Variants in CYP7B1 observed in about 807,000 individuals in gnomAD.
CYP7B1 encodes the protein cytochrome P450 7B1.
CYP7B1 carries 29 observed loss-of-function variants against 42.7 expected under a neutral mutation model. The observed-to-expected ratio is 0.68, with a 90% CI of 0.51 to 0.93. The LOEUF (loss-of-function observed/expected upper bound fraction) is 0.93, where lower values mean the gene tolerates loss of function less well. Among genes scored for constraint, CYP7B1 ranks in the 40% least tolerant of loss-of-function variants. The pLI is 0.00. For missense variants in CYP7B1, 655 were observed against 600.5 expected (o/e 1.09, Z -0.95); for synonymous variants, 235 against 218.2 (o/e 1.08, Z -0.68).
intron 1 of CYP7B1, among the ~76,000 whole-genome samples, chr8:64,710,107 G>C (rs1451219628): frequency 6.6e-6 from 1 of 152,092 alleles, no homozygotes; most frequent in Non-Finnish European, 1.5e-5. Flanking sequence ...GATTCCATTA[G>C]TCTCAGTACC....
chr8:64,751,217 T>A (rs1231437110), intron 1 of CYP7B1, among the ~76,000 whole-genome samples: 2 of 152,222 alleles, frequency 1.3e-5, no homozygotes, highest in African/African-American at 4.8e-5. Flanking sequence ...TGACCTGTCA[T>A]CATATCTCTC....
At chr8:64,600,470 A>G (rs928423610) in intron 5 of CYP7B1, among the ~76,000 whole-genome samples, 2 of 152,164 alleles carry the variant, frequency 1.3e-5, no homozygotes, top group Non-Finnish European at 2.9e-5. Flanking sequence ...TAAATTAGAC[A>G]AATATAAATT....
chr8:64,778,755 C>G (rs534896602), intron 1 of CYP7B1, among the ~76,000 whole-genome samples: 14 of 152,192 alleles, frequency 9.2e-5, no homozygotes, highest in Admixed American at 1.3e-4. Context: ...GTGACTCTTG[C>G]CTGGCTACTA....
chr8:64,786,882 A>G (rs1804537406), intron 1 of CYP7B1, among the ~76,000 whole-genome samples: 1 of 152,234 alleles, frequency 6.6e-6, no homozygotes, highest in Non-Finnish European at 1.5e-5. Context: ...CCCAAATCTC[A>G]ATTCTTGACT....
rs762835395 is a variant in CYP7B1 at position 64,604,667 on chromosome 8, T to C, written c.1233+15A>G. 13 of 1,613,778 alleles carry C rather than the reference T, an allele frequency of 8.1e-6. No individual in the cohort carries two copies. The highest frequency in any genetic ancestry group is 1.0e-5 in the Non-Finnish European group (12 of 1,179,960). On this transcript the variant is annotated intron_variant, in intron 5 of 5. Transcript: ENST00000310193. Reference sequence around the variant, plus strand: ...GATCTAAGAAGTAGCAATCATAGGCTTGATGTTTACTTACCTCTGGAGCTT... The same window carrying C: ...GATCTAAGAAGTAGCAATCATAGGCCTGATGTTTACTTACCTCTGGAGCTT...
At chr8:64,649,587 T>C (rs1806008635) in intron 1 of CYP7B1, among the ~76,000 whole-genome samples, 1 of 152,210 alleles carries the variant, frequency 6.6e-6, no homozygotes, top group Non-Finnish European at 1.5e-5. Context: ...GAAGTGGGAT[T>C]GTTGAATCAC....
At chr8:64,644,505 C>G (rs976472364) in intron 1 of CYP7B1, among the ~76,000 whole-genome samples, 1 of 152,114 alleles carries the variant, frequency 6.6e-6, no homozygotes, top group Non-Finnish European at 1.5e-5. Context: ...CAAAATTACT[C>G]CTTCATCCAT....
chr8:64,624,121 T>TA (rs111886262), intron 2 of CYP7B1, among the ~76,000 whole-genome samples: 48 of 151,144 alleles, frequency 3.2e-4, no homozygotes, highest in South Asian at 2.9e-3. Flanking sequence ...TATATATATA[T>TA]TTTTTTTTCT....
intron 1 of CYP7B1, among the ~76,000 whole-genome samples, chr8:64,684,684 G>A (rs1370423306): frequency 3.9e-5 from 6 of 152,134 alleles, no homozygotes; most frequent in Admixed American, 1.3e-4. Flanking sequence ...GCCAGCAGGT[G>A]CTCAACAAAT....
chr8:64,635,040 G>A (rs771039168), intron 1 of CYP7B1, among the ~76,000 whole-genome samples: 10 of 152,162 alleles, frequency 6.6e-5, no homozygotes, highest in South Asian at 6.2e-4. Flanking sequence ...GGTTCTACTC[G>A]AAGCAAGAAA....
chr8:64,625,039 T>A (rs888427570), intron 1 of CYP7B1, among the ~76,000 whole-genome samples: 2 of 132,626 alleles, frequency 1.5e-5, no homozygotes, highest in Non-Finnish European at 3.1e-5. Flanking sequence ...ACTGGTGCGA[T>A]CTCGGCTCAC....
intron 1 of CYP7B1, among the ~76,000 whole-genome samples, chr8:64,701,304 C>T (rs1287437424): frequency 6.6e-6 from 1 of 152,002 alleles, no homozygotes; most frequent in African/African-American, 2.4e-5. Flanking sequence ...CAGTCTCTCC[C>T]AGGATAAGAT....
At chr8:64,588,281 A>G (rs530622116), downstream of CYP7B1, among the ~76,000 whole-genome samples, 17 of 152,370 alleles carry the variant, frequency 1.1e-4, no homozygotes, top group South Asian at 2.1e-4. Flanking sequence ...AATGGCAGCC[A>G]TAAACTGCTA....
At chr8:64,629,131 G>A (rs551854306) in intron 1 of CYP7B1, among the ~76,000 whole-genome samples, 1 of 151,850 alleles carries the variant, frequency 6.6e-6, no homozygotes, top group Non-Finnish European at 1.5e-5. Flanking sequence ...GGAGGCTGAG[G>A]CAGGAGAATC....
intron 1 of CYP7B1, among the ~76,000 whole-genome samples, chr8:64,709,226 C>T (rs1807044539): frequency 6.6e-6 from 1 of 152,176 alleles, no homozygotes; most frequent in African/African-American, 2.4e-5. Context: ...AAAATATAAT[C>T]AAGCCTGTTT....
At chr8:64,766,159 T>G (rs564608337) in intron 1 of CYP7B1, among the ~76,000 whole-genome samples, 9 of 152,222 alleles carry the variant, frequency 5.9e-5, no homozygotes, top group Non-Finnish European at 1.0e-4. Flanking sequence ...AACATGGAGA[T>G]TGGTGCCACA....
At chr8:64,647,912 A>G (rs76004558) in intron 1 of CYP7B1, among the ~76,000 whole-genome samples, 9,453 of 152,258 alleles carry the variant, frequency 0.062, 390 homozygotes, top group South Asian at 0.16. Flanking sequence ...AAAGCTAATC[A>G]TCACAAGTTC....
intron 1 of CYP7B1, among the ~76,000 whole-genome samples, chr8:64,785,790 A>C (rs905319219): frequency 2.6e-5 from 4 of 152,134 alleles, no homozygotes; most frequent in African/African-American, 9.7e-5. Context: ...GTATTAGTTC[A>C]TTTTCATGCT....
intron 1 of CYP7B1, among the ~76,000 whole-genome samples, chr8:64,769,928 A>T: frequency 6.6e-6 from 1 of 152,346 alleles, no homozygotes; most frequent in South Asian, 2.1e-4. Context: ...ATACGGGGAC[A>T]ACGGTAGGAC....
Sources: allele counts gnomAD v4.1 joint callset (sites outside exome capture counted in the v4.1 genomes callset), GRCh38; gene constraint gnomAD v4.1.1; transcripts MANE v1.5; gene names NCBI Gene and HGNC (gene_info 2026-07-23, HGNC 2026-07-21).